Variants in ERBB4 observed in about 807,000 individuals in gnomAD.
The protein encoded by ERBB4 is receptor tyrosine-protein kinase erbB-4.
A neutral mutation model predicts 158.0 loss-of-function variants in ERBB4; 42 were observed. The observed-to-expected ratio is 0.27, with a 90% CI of 0.21 to 0.34. The LOEUF (loss-of-function observed/expected upper bound fraction) is 0.34, where lower values mean the gene tolerates loss of function less well. Ranked by LOEUF, ERBB4 falls within the 10% of genes least tolerant of loss-of-function variation. The probability of loss-of-function intolerance (pLI) is 1.00; values close to 1 mark genes in which losing one functional copy is unlikely to be tolerated. For synonymous variants in ERBB4, 583 were observed against 558.7 expected (o/e 1.04, Z -0.61); for missense variants, 1,333 against 1,624.1 (o/e 0.82, Z 3.08).
chr2:212,192,093 T>C (rs2082286487), intron 1 of ERBB4, among the ~76,000 whole-genome samples: 3 of 104,410 alleles, frequency 2.9e-5, no homozygotes, highest in African/African-American at 1.0e-4. Flanking sequence ...ATATATATTA[T>C]ATAAGTTATA....
intron 1 of ERBB4, among the ~76,000 whole-genome samples, chr2:212,422,938 A>G (rs115748228): frequency 1.0e-3 from 158 of 152,280 alleles, no homozygotes; most frequent in Middle Eastern, 6.8e-3. Context: ...CATTGCTAAC[A>G]GCTGGTTAAT....
chr2:212,188,004 A>G (rs2082066088), intron 1 of ERBB4, among the ~76,000 whole-genome samples: 1 of 152,150 alleles, frequency 6.6e-6, no homozygotes, highest in Non-Finnish European at 1.5e-5. Context: ...ATATCCTCAC[A>G]ATATCGTACA....
intron 19 of ERBB4, among the ~76,000 whole-genome samples, chr2:211,614,142 A>G (rs1287950232): frequency 6.6e-6 from 1 of 152,060 alleles, no homozygotes; most frequent in African/African-American, 2.4e-5. Flanking sequence ...ACCGGAGATC[A>G]TTATGTTAAG....
chr2:212,439,154 C>A (rs1290257639), intron 1 of ERBB4, among the ~76,000 whole-genome samples: 3 of 152,088 alleles, frequency 2.0e-5, no homozygotes, highest in African/African-American at 7.2e-5. Context: ...ATAGTGTGTA[C>A]AAGTCCTTGC....
intron 5 of ERBB4, among the ~76,000 whole-genome samples, chr2:211,727,312 T>C (rs1267063691): frequency 6.6e-6 from 1 of 152,148 alleles, no homozygotes; most frequent in Non-Finnish European, 1.5e-5. Context: ...AACTTAGATA[T>C]TTCTATGGCA....
chr2:212,199,658 A>G (rs2082534306), intron 1 of ERBB4, among the ~76,000 whole-genome samples: 1 of 152,222 alleles, frequency 6.6e-6, no homozygotes, highest in East Asian at 1.9e-4. Flanking sequence ...CTGAGTAAGC[A>G]GCTATACTTC....
rs139955768 is a variant in ERBB4, at chr2:211,754,542, A to G, written c.557-3838T>C. ...CAGCCTCCCGAGTAGCTGGGATTAC[A>G]GGTGCCTGCCATACGCCCAGCTAGT... On this transcript the variant is annotated intron_variant, in intron 4 of 27. Transcript: ENST00000342788. Among the ~76,000 whole-genome samples the G allele has an allele frequency of 2.1e-3, 311 of 150,498 alleles. 1 individual carries two copies. Among genetic ancestry groups the G allele is most frequent in the African/African-American group, 6.9e-3 (282 of 40,866 alleles).
intron 19 of ERBB4, among the ~76,000 whole-genome samples, chr2:211,572,131 C>G (rs975504559): frequency 1.5e-4 from 23 of 152,170 alleles, no homozygotes; most frequent in African/African-American, 5.5e-4. Context: ...TACTTAAATT[C>G]AGGCTCACAT....
intron 1 of ERBB4, among the ~76,000 whole-genome samples, chr2:212,391,635 G>T (rs2090859825): frequency 1.7e-5 from 2 of 114,578 alleles, no homozygotes; most frequent in Admixed American, 9.3e-5. Context: ...ATATTATATT[G>T]ACATATAATA....
At chr2:211,445,120 T>TCTAA (rs1468327510) in intron 20 of ERBB4, among the ~76,000 whole-genome samples, 3 of 152,122 alleles carry the variant, frequency 2.0e-5, no homozygotes, top group Non-Finnish European at 4.4e-5. Context: ...AAATTAAGTG[T>TCTAA]CTAACTTAAT....
At chr2:212,312,275 A>G (rs1284717022) in intron 1 of ERBB4, among the ~76,000 whole-genome samples, 1 of 151,002 alleles carries the variant, frequency 6.6e-6, no homozygotes, top group East Asian at 2.0e-4. Flanking sequence ...CTCAATATGA[A>G]CATTGTAAAG....
chr2:211,523,902 T>C (rs147805942), intron 20 of ERBB4, among the ~76,000 whole-genome samples: 18,563 of 152,000 alleles, frequency 0.12, 1,951 homozygotes, highest in African/African-American at 0.29. Flanking sequence ...TTTGACAGGG[T>C]GCTGATTGGT....
At chr2:212,508,518 A>C (rs1691319595) in intron 1 of ERBB4, among the ~76,000 whole-genome samples, 1 of 152,182 alleles carries the variant, frequency 6.6e-6, no homozygotes, top group South Asian at 2.1e-4. Context: ...TCTAAAAAAG[A>C]AGCTAAACTC....
At chr2:211,988,015 A>T (rs1181746141) in intron 2 of ERBB4, among the ~76,000 whole-genome samples, 2 of 152,182 alleles carry the variant, frequency 1.3e-5, no homozygotes, top group African/African-American at 4.8e-5. Flanking sequence ...TATAACTTTT[A>T]AAATGTACTT....
chr2:212,093,595 C>T (rs2078842186), intron 2 of ERBB4, among the ~76,000 whole-genome samples: 1 of 152,170 alleles, frequency 6.6e-6, no homozygotes, highest in Admixed American at 6.5e-5. Context: ...TAAATCTTGG[C>T]TCTGCCATTA....
At chr2:211,856,329 A>G (rs1431470728) in intron 3 of ERBB4, among the ~76,000 whole-genome samples, 2 of 151,994 alleles carry the variant, frequency 1.3e-5, no homozygotes, top group South Asian at 2.1e-4. Context: ...GTTCTTCATT[A>G]AGTCACTTTT....
intron 1 of ERBB4, among the ~76,000 whole-genome samples, chr2:212,241,180 C>A (rs1228367934): frequency 6.6e-6 from 1 of 151,848 alleles, no homozygotes; most frequent in Non-Finnish European, 1.5e-5. Flanking sequence ...TCGCTTGAGC[C>A]CAGGAGGTTG....
chr2:211,432,037 A>G (rs1449304966), intron 20 of ERBB4, among the ~76,000 whole-genome samples: 1 of 152,202 alleles, frequency 6.6e-6, no homozygotes, highest in Non-Finnish European at 1.5e-5. Context: ...AACTAAGGAA[A>G]TAAACCTGAG....
intron 1 of ERBB4, among the ~76,000 whole-genome samples, chr2:212,365,255 A>G (rs1456105956): frequency 6.6e-6 from 1 of 151,062 alleles, no homozygotes; most frequent in Non-Finnish European, 1.5e-5. Flanking sequence ...TATCTTGTGA[A>G]CTCTTTGGTT....
Sources: allele counts gnomAD v4.1 joint callset (sites outside exome capture counted in the v4.1 genomes callset), GRCh38; gene constraint gnomAD v4.1.1; transcripts MANE v1.5; gene names NCBI Gene and HGNC (gene_info 2026-07-23, HGNC 2026-07-21).